Variants in PRKN observed in about 807,000 individuals in gnomAD.
The protein encoded by PRKN is E3 ubiquitin-protein ligase parkin.
In PRKN, 56 loss-of-function variants were observed where a neutral mutation model predicts 59.5. The ratio of observed to expected loss-of-function variants is 0.94; its 90% CI spans 0.76 to 1.18. PRKN has a LOEUF of 1.18. Among genes scored for constraint, PRKN ranks in the 50% most tolerant of loss-of-function variants. The probability of loss-of-function intolerance (pLI) is 0.00; values close to 1 mark genes in which losing one functional copy is unlikely to be tolerated. For missense variants in PRKN, 657 were observed against 596.4 expected (o/e 1.10, Z -1.06); for synonymous variants, 250 against 222.1 (o/e 1.13, Z -1.12).
intron 7 of PRKN, among the ~76,000 whole-genome samples, chr6:161,645,377 A>T (rs558432840): frequency 6.6e-6 from 1 of 152,356 alleles, no homozygotes; most frequent in African/African-American, 2.4e-5. Context: ...ATGTTCAGGT[A>T]AACTCATGGA....
chr6:162,197,081 G>A (rs1784521691), intron 4 of PRKN, among the ~76,000 whole-genome samples: 1 of 152,036 alleles, frequency 6.6e-6, no homozygotes, highest in Non-Finnish European at 1.5e-5. Context: ...CCTATAACTA[G>A]TCAGCCACAC....
intron 2 of PRKN, among the ~76,000 whole-genome samples, chr6:162,349,892 C>T (rs1416947058): frequency 3.3e-5 from 5 of 151,954 alleles, no homozygotes; most frequent in East Asian, 1.9e-4. Context: ...CAAAAGACAT[C>T]GAGGCTGGGA....
intron 5 of PRKN, among the ~76,000 whole-genome samples, chr6:162,005,359 CTG>C (rs1308921081): frequency 1.3e-5 from 2 of 152,138 alleles, no homozygotes. Context: ...AAAACAAAGA[CTG>C]TTGACTCATA....
Position 161,402,846 on chromosome 6 carries a change from C to T in PRKN, c.1084-15969G>A, listed in dbSNP as rs758158707. Reference sequence around the variant, plus strand: ...TCTCTCAGGTAATAAAAGTTGTCTCCGAGCAGCCCTGAGCAGAACAGGCAG... The same window carrying T: ...TCTCTCAGGTAATAAAAGTTGTCTCTGAGCAGCCCTGAGCAGAACAGGCAG... On this transcript the variant is annotated intron_variant, in intron 9 of 11. Coordinates refer to ENST00000366898, the MANE Select transcript of PRKN (RefSeq NM_004562.3). The surrounding 1 kb of genome is among the most constrained non-coding windows in gnomAD (Gnocchi z 4.5). 6.6e-6 allele frequency among the ~76,000 whole-genome samples: 1 copy of T among 152,042 alleles called. No individual in the cohort carries two copies. Among genetic ancestry groups the T allele is most frequent in the Non-Finnish European group, 1.5e-5 (1 of 68,016 alleles).
chr6:161,571,843 C>T (rs1780901506), intron 7 of PRKN, among the ~76,000 whole-genome samples: 1 of 152,108 alleles, frequency 6.6e-6, no homozygotes, highest in South Asian at 2.1e-4. Flanking sequence ...CCACTGAGGG[C>T]ACTGAGGGCC....
intron 2 of PRKN, among the ~76,000 whole-genome samples, chr6:162,410,181 G>C (rs770104245): frequency 6.7e-6 from 1 of 150,336 alleles, no homozygotes; most frequent in South Asian, 2.1e-4. Context: ...TGCTCCTGCT[G>C]AGAGACTTGC....
intron 1 of PRKN, among the ~76,000 whole-genome samples, chr6:162,493,360 G>T (rs1412493103): frequency 6.6e-6 from 1 of 152,130 alleles, no homozygotes; most frequent in Non-Finnish European, 1.5e-5. Flanking sequence ...GGATATTATG[G>T]ACTTGAAAGA....
At chr6:162,387,551 CACACAGAGAGAGAGAGAGAGAGAGAGAG>C (rs1786905264) in intron 2 of PRKN, among the ~76,000 whole-genome samples, 2 of 76,636 alleles carry the variant, frequency 2.6e-5, no homozygotes, top group African/African-American at 1.1e-4. Context: ...CACACACACA[CACACAGAGAGAGAGAGAGAGAGAGAGAG>C]AGAGAGAGAG....
In PRKN at chr6:162,311,083, C is replaced by T. The variant is rs544939389; in HGVS notation, c.172-48318G>A. Among the ~76,000 whole-genome samples, 141 of 152,220 alleles carry T rather than the reference C, an allele frequency of 9.3e-4. 2 individuals carry two copies. In the South Asian group the frequency reaches 0.028, roughly 30 times the overall value. On this transcript the variant is annotated intron_variant, in intron 2 of 11. Transcript: ENST00000366898. The stretch of plus-strand genomic sequence containing the variant: ...AAGGCTATCTTTTTCCAACAAAGCC[C>T]TGACTGGAAAGAAATAACAAGGTCA...
At chr6:161,669,920 GC>G (rs1469038788) in intron 7 of PRKN, among the ~76,000 whole-genome samples, 1 of 152,342 alleles carries the variant, frequency 6.6e-6, no homozygotes, top group East Asian at 1.9e-4. Context: ...CAGGCTCTCA[GC>G]CCCCAGCATG....
At chr6:162,499,432 TAG>T (rs1415146293) in intron 1 of PRKN, among the ~76,000 whole-genome samples, 3 of 152,182 alleles carry the variant, frequency 2.0e-5, no homozygotes, top group Non-Finnish European at 4.4e-5. Flanking sequence ...TCTTGTCCAC[TAG>T]ACTCTTGCAG....
intron 1 of PRKN, among the ~76,000 whole-genome samples, chr6:162,665,691 TTA>T (rs1232296999): frequency 6.6e-6 from 1 of 151,604 alleles, no homozygotes; most frequent in Admixed American, 6.6e-5. Context: ...CTATTTTAAA[TTA>T]TGGAATCAAA....
intron 7 of PRKN, among the ~76,000 whole-genome samples, chr6:161,722,080 G>C (rs1787244405): frequency 6.6e-6 from 1 of 151,946 alleles, no homozygotes; most frequent in Non-Finnish European, 1.5e-5. Flanking sequence ...GCCTTTACTG[G>C]TAAGTCAGGC....
chr6:162,575,368 G>A lies in PRKN; in HGVS notation c.8-131895C>T, dbSNP rs538113164. On this transcript the variant is annotated intron_variant, in intron 1 of 11. Coordinates refer to ENST00000366898, the MANE Select transcript of PRKN (RefSeq NM_004562.3). ...GACCTTTATTGCTCATTCTACACAG[G>A]TGACCCCTCTGATGATTTCATAGGC... 1.7e-4 allele frequency among the ~76,000 whole-genome samples: 26 copies of A among 152,180 alleles called. 1 individual carries two copies. In the South Asian group the frequency reaches 5.2e-3, roughly 30 times the overall value.
chr6:161,798,157 C>T (rs1391432090), intron 6 of PRKN, among the ~76,000 whole-genome samples: 1 of 152,136 alleles, frequency 6.6e-6, no homozygotes, highest in African/African-American at 2.4e-5. Flanking sequence ...GCTGAGATCG[C>T]ACCACTGCAC....
At chr6:161,797,885 A>G (rs2128209789) in intron 6 of PRKN, among the ~76,000 whole-genome samples, 1 of 152,364 alleles carries the variant, frequency 6.6e-6, no homozygotes, top group Admixed American at 6.5e-5. Context: ...ATAAAAATCA[A>G]TATGGCATAA....
chr6:161,829,110 C>T (rs1278594689), intron 6 of PRKN, among the ~76,000 whole-genome samples: 2 of 152,126 alleles, frequency 1.3e-5, no homozygotes, highest in African/African-American at 4.8e-5. Context: ...CCTGTAATCC[C>T]AGCTACTTGG....
chr6:161,980,961 AAT>A (rs1781237165), intron 5 of PRKN, among the ~76,000 whole-genome samples: 1 of 152,240 alleles, frequency 6.6e-6, no homozygotes, highest in Non-Finnish European at 1.5e-5. Flanking sequence ...AAGATACAGA[AAT>A]ACTCACACAA....
At chr6:162,596,697 C>A (rs1781507567) in intron 1 of PRKN, among the ~76,000 whole-genome samples, 1 of 152,136 alleles carries the variant, frequency 6.6e-6, no homozygotes, top group Non-Finnish European at 1.5e-5. Context: ...AGAATAGCTA[C>A]CCAAATCTAC....
Sources: allele counts gnomAD v4.1 joint callset (sites outside exome capture counted in the v4.1 genomes callset), GRCh38; gene constraint gnomAD v4.1.1; non-coding constraint Gnocchi (gnomAD v3.1); transcripts MANE v1.5; gene names NCBI Gene and HGNC (gene_info 2026-07-23, HGNC 2026-07-21).